RGS3: variants seen among roughly 807,000 people sequenced by gnomAD.
RGS3 encodes the protein regulator of G protein signaling 3.
In RGS3, 80 loss-of-function variants were observed where a neutral mutation model predicts 132.6. That is an observed-to-expected ratio of 0.60 (90% CI 0.50 to 0.73). The LOEUF (loss-of-function observed/expected upper bound fraction) is 0.73, where lower values mean the gene tolerates loss of function less well. RGS3 is among the 30% of genes least tolerant of loss of function. The probability of loss-of-function intolerance (pLI) is 0.00; values close to 1 mark genes in which losing one functional copy is unlikely to be tolerated. For synonymous variants in RGS3, 598 were observed against 620.6 expected (o/e 0.96, Z 0.54); for missense variants, 1,382 against 1,530.8 (o/e 0.90, Z 1.62).
chr9:113,501,383 A>G, intron 10 of RGS3: 1 of 1,371,932 alleles, frequency 7.3e-7, no homozygotes, highest in African/African-American at 1.4e-5. Flanking sequence ...GGTTTCAGGA[A>G]GCCTTCGGGC....
chr9:113,565,332 T>C lies in RGS3; in HGVS notation c.2038-18118T>C. On this transcript the variant is annotated intron_variant, in intron 19 of 24. Coordinates refer to ENST00000350696, the Ensembl canonical transcript of RGS3. The surrounding 1 kb of genome is among the most constrained non-coding windows in gnomAD (Gnocchi z 5.7). The stretch of plus-strand genomic sequence containing the variant: ...ATGGAAGAAAGAAATCCAGCCTCTC[T>C]CCAGAGTGGCGGTGGCCGGCTAGAC... The C allele has an allele frequency of 1.6e-6, 2 of 1,289,310 alleles. No individual in the cohort carries two copies. Among genetic ancestry groups the C allele is most frequent in the South Asian group, 2.5e-5 (2 of 81,082 alleles). 79.9% of individuals were successfully genotyped at this position (1,289,310 alleles called of 1,614,324 possible).
chr9:113,477,287 C>T (rs550954420), intron 3 of RGS3, among the ~76,000 whole-genome samples: 30 of 152,322 alleles, frequency 2.0e-4, no homozygotes, highest in African/African-American at 7.2e-4. Context: ...GCAGTTAGGG[C>T]TGGAACTGAA....
Position 113,565,015 on chromosome 9 carries a change from A to G in RGS3, c.2038-18435A>G. 1 of 1,035,726 alleles carries G rather than the reference A, an allele frequency of 9.7e-7. No individual in the cohort carries two copies. The highest frequency in any genetic ancestry group is 1.2e-6 in the Non-Finnish European group (1 of 858,452). The allele number at this position is 1,035,726 out of a possible 1,614,324, so 64.2% of individuals were successfully genotyped here. A position where few individuals can be genotyped will look rare whatever the true frequency, so the allele number is the denominator to read the frequency against. ...CGGCTTTGCGCTGCCCCAGCCTGGGAGCCCTCAGGATGTGTGTGGGGTGGA... is the reference window on the plus strand; with the variant it reads ...CGGCTTTGCGCTGCCCCAGCCTGGGGGCCCTCAGGATGTGTGTGGGGTGGA... On this transcript the variant is annotated intron_variant, in intron 19 of 24. Transcript: ENST00000350696. The surrounding 1 kb of genome is among the most constrained non-coding windows in gnomAD (Gnocchi z 5.7).
intron 19 of RGS3, 66 bp downstream of exon 17, chr9:113,536,984 A>G (rs1387121480): frequency 6.6e-7 from 1 of 1,521,604 alleles, no homozygotes; most frequent in East Asian, 2.3e-5. Context: ...TAGACCCTTG[A>G]GCCTCTGCAT....
At chr9:113,566,274 T>A (rs1834008795) in intron 19 of RGS3, among the ~76,000 whole-genome samples, 1 of 152,148 alleles carries the variant, frequency 6.6e-6, no homozygotes, top group Non-Finnish European at 1.5e-5. Context: ...ATGCTTTGCC[T>A]CTGACCTCCA....
chr9:113,595,525 G>C, intron 23 of RGS3, 74 bp from the exon 22 acceptor site: 1 of 1,534,662 alleles, frequency 6.5e-7, no homozygotes, highest in South Asian at 1.2e-5. Context: ...AAGTCCTGTA[G>C]GGGTAAGCTG....
chr9:113,501,093 C>G (rs569549682), intron 10 of RGS3, among the ~76,000 whole-genome samples: 19 of 152,312 alleles, frequency 1.2e-4, no homozygotes, highest in African/African-American at 3.8e-4. Flanking sequence ...GCAAACCCCC[C>G]CAAGGTATCC....
intron 20 of RGS3, among the ~76,000 whole-genome samples, chr9:113,588,671 T>A (rs907178957): frequency 6.6e-6 from 1 of 152,260 alleles, no homozygotes; most frequent in Non-Finnish European, 1.5e-5. Context: ...GCCCGGCACC[T>A]GACATGTAGT....
chr9:113,484,628 T>G (rs367729089), intron 6 of RGS3, among the ~76,000 whole-genome samples: 61 of 152,322 alleles, frequency 4.0e-4, no homozygotes, highest in African/African-American at 1.4e-3. Context: ...ACTTCAACTT[T>G]CTAACCTCTC....
At chr9:113,502,064 A>G (rs917953390) in intron 10 of RGS3, among the ~76,000 whole-genome samples, 3 of 152,144 alleles carry the variant, frequency 2.0e-5, no homozygotes, top group African/African-American at 2.4e-5. Flanking sequence ...GTTTTCGTGT[A>G]TATGTACATA....
chr9:113,594,347 C>T (rs1212114119), intron 21 of RGS3, 83 bp from the exon 20 acceptor site: 1 of 1,594,536 alleles, frequency 6.3e-7, no homozygotes, highest in East Asian at 2.2e-5. Flanking sequence ...GAGTAGGTGC[C>T]CTCGACCCAG....
chr9:113,450,691 A>G (rs1362481948), intron 1 of RGS3, among the ~76,000 whole-genome samples: 1 of 152,168 alleles, frequency 6.6e-6, no homozygotes, highest in Non-Finnish European at 1.5e-5. Flanking sequence ...TGAGGAGGGA[A>G]GAGGACTAAA....
At chr9:113,502,694 G>A (rs933537559) in intron 10 of RGS3, among the ~76,000 whole-genome samples, 1 of 152,218 alleles carries the variant, frequency 6.6e-6, no homozygotes, top group Non-Finnish European at 1.5e-5. Flanking sequence ...GGGCATGCTG[G>A]CTGTCAGAGT....
intron 16 of RGS3, among the ~76,000 whole-genome samples, chr9:113,518,932 C>T (rs1405818807): frequency 6.6e-6 from 1 of 152,160 alleles, no homozygotes; most frequent in Non-Finnish European, 1.5e-5. Flanking sequence ...CATAAATTCA[C>T]AGACTCATAA....
intron 18 of RGS3, 72 bp downstream of exon 16, chr9:113,529,336 A>G (rs1288319666): frequency 8.0e-7 from 1 of 1,253,700 alleles, no homozygotes; most frequent in Non-Finnish European, 1.2e-6. Flanking sequence ...CTGGGCTGGG[A>G]TCTAGACCAG....
chr9:113,452,798 TTG>T (rs988390896), intron 1 of RGS3, among the ~76,000 whole-genome samples: 4 of 150,142 alleles, frequency 2.7e-5, no homozygotes, highest in African/African-American at 9.8e-5. Flanking sequence ...CGATCTTTTT[TTG>T]TGCAATGTCT....
intron 21 of RGS3, 66 bp from the exon 20 acceptor site, chr9:113,594,364 C>T (rs200416719): frequency 1.7e-4 from 279 of 1,599,858 alleles, no homozygotes; most frequent in South Asian, 1.2e-4. Flanking sequence ...CCAGCTCTCC[C>T]GACTCTGGAT....
chr9:113,482,961 A>G (rs760663810), intron 4 of RGS3, 98 bp from the exon 3 acceptor site: 1 of 1,598,408 alleles, frequency 6.3e-7, no homozygotes, highest in Non-Finnish European at 8.5e-7. Context: ...AGGTCTCTTT[A>G]TTCGTGTGGA....
In RGS3 at chr9:113,565,467, C is replaced by T. The variant is rs1218717450; in HGVS notation, c.2038-17983C>T. The T allele has an allele frequency of 9.8e-7, 1 of 1,023,434 alleles. No individual in the cohort carries two copies. The highest frequency in any genetic ancestry group is 1.3e-6 in the Non-Finnish European group (1 of 752,988). 63.4% of individuals were successfully genotyped at this position (1,023,434 alleles called of 1,614,324 possible). ...TGATGCAAGGGTTTTGAAAGCGCTA[C>T]CTAGATGTGGGAGGTGGAACCTGGT... On this transcript the variant is annotated intron_variant, in intron 19 of 24. Coordinates refer to ENST00000350696, the Ensembl canonical transcript of RGS3. The surrounding 1 kb of genome is among the most constrained non-coding windows in gnomAD (Gnocchi z 5.7).
Sources: allele counts gnomAD v4.1 joint callset (sites outside exome capture counted in the v4.1 genomes callset), GRCh38; gene constraint gnomAD v4.1.1; non-coding constraint Gnocchi (gnomAD v3.1); transcripts MANE v1.5; gene names NCBI Gene and HGNC (gene_info 2026-07-23, HGNC 2026-07-21).